NTM: variants seen among roughly 807,000 people sequenced by gnomAD.
NTM encodes the protein IgLON family member 2.
Under a neutral mutation model 42.1 loss-of-function variants are expected in NTM, and 13 were observed. The observed-to-expected ratio is 0.31, with a 90% confidence interval of 0.20 to 0.49. The LOEUF (loss-of-function observed/expected upper bound fraction) is 0.49. NTM is among the 20% of genes least tolerant of loss of function. NTM has a pLI of 0.99. For missense variants in NTM, 373 were observed against 452.8 expected, an observed-to-expected ratio of 0.82 and a Z score of 1.60; for synonymous variants, 187 against 179.2, an observed-to-expected ratio of 1.04 and a Z score of -0.35.
At chr11:131,471,548 G>A (rs1017653328) in intron 1 of NTM, among the ~76,000 whole-genome samples, 5 of 152,238 alleles carry the variant, frequency 3.3e-5, no homozygotes, top group African/African-American at 4.8e-5. Context: ...GAGAGGCAGG[G>A]TGGCCGTGAG....
chr11:131,897,829 GA>G (rs1303710054), intron 1 of NTM, among the ~76,000 whole-genome samples: 1 of 152,208 alleles, frequency 6.6e-6, no homozygotes, highest in African/African-American at 2.4e-5. Context: ...ATTATGAGGG[GA>G]GAGTTTTTAA....
At chr11:131,983,931 T>C (rs1270103892) in intron 2 of NTM, among the ~76,000 whole-genome samples, 2 of 152,194 alleles carry the variant, frequency 1.3e-5, no homozygotes, top group Admixed American at 6.5e-5. Flanking sequence ...ATAAGGGAGA[T>C]TGTTAAATGT....
At chr11:132,320,345 G>A (rs139785147) in intron 7 of NTM, among the ~76,000 whole-genome samples, 4,222 of 152,288 alleles carry the variant, frequency 0.028, 210 homozygotes, top group African/African-American at 0.096. Context: ...AAAGCAGGGC[G>A]AGGCATTGCC....
intron 1 of NTM, among the ~76,000 whole-genome samples, chr11:131,657,991 G>A (rs1263835046): frequency 6.6e-6 from 1 of 152,198 alleles, no homozygotes; most frequent in Non-Finnish European, 1.5e-5. Flanking sequence ...GACCTGAGGG[G>A]CCAGGTGGCA....
chr11:132,127,872 T>C (rs942684701), intron 2 of NTM, among the ~76,000 whole-genome samples: 2 of 152,212 alleles, frequency 1.3e-5, no homozygotes, highest in Non-Finnish European at 2.9e-5. Context: ...TCTAACGTTA[T>C]AGCCTGCAAG....
intron 2 of NTM, among the ~76,000 whole-genome samples, chr11:132,145,037 G>A (rs2070072294): frequency 6.6e-6 from 1 of 152,282 alleles, no homozygotes; most frequent in South Asian, 2.1e-4. Flanking sequence ...AATTTTTATG[G>A]TCACAAACCA....
chr11:131,738,271 C>T (rs1340155127), intron 1 of NTM, among the ~76,000 whole-genome samples: 4 of 152,190 alleles, frequency 2.6e-5, no homozygotes, highest in East Asian at 1.9e-4. Context: ...GGGTGAATGG[C>T]GGTGGCTCTG....
At chr11:132,104,394 AT>A (rs1280497707) in intron 2 of NTM, among the ~76,000 whole-genome samples, 6 of 150,100 alleles carry the variant, frequency 4.0e-5, no homozygotes, top group Non-Finnish European at 5.9e-5. Context: ...CTGTTCATGT[AT>A]TTTTTTCGTA....
intron 8 of NTM, among the ~76,000 whole-genome samples, chr11:132,334,324 T>TA (rs2095850044): frequency 2.0e-5 from 3 of 152,246 alleles, no homozygotes; most frequent in Admixed American, 6.5e-5. Context: ...CCCAGTGTCC[T>TA]CATTGATCTC....
At chr11:131,660,810 G>A in intron 1 of NTM, 2 of 1,174,012 alleles carry the variant, frequency 1.7e-6, no homozygotes, top group Non-Finnish European at 1.1e-6. Context: ...ATATAGAAAG[G>A]TAGGATGAAA....
chr11:131,682,713 C>T (rs538626256), intron 1 of NTM, among the ~76,000 whole-genome samples: 1 of 152,346 alleles, frequency 6.6e-6, no homozygotes, highest in South Asian at 2.1e-4. Flanking sequence ...CTCTCAGCGC[C>T]TCCACTGAAA....
At position 131,989,675 on chromosome 11, in the gene NTM, AC is replaced by A. The variant is rs577044242; in HGVS notation, c.167+78028del. On this transcript the variant is annotated intron_variant, in intron 2 of 8. Coordinates refer to ENST00000683400, the MANE Select transcript of NTM (RefSeq NM_001352005.2). ...AATGCTCCCAATATTTCAGTAGCTT[AC>A]AACAAAGGTGAGTTATATACACATG... Among the ~76,000 whole-genome samples, 1,230 of 152,000 alleles carry A rather than the reference AC, an allele frequency of 8.1e-3. 9 individuals are homozygous for A. Among genetic ancestry groups the A allele is most frequent in the Non-Finnish European group, 0.012 (833 of 67,942 alleles).
chr11:131,814,716 C>T (rs972587054), intron 1 of NTM, among the ~76,000 whole-genome samples: 10 of 152,170 alleles, frequency 6.6e-5, no homozygotes, highest in African/African-American at 2.4e-4. Flanking sequence ...GCGCGTCTTG[C>T]GTTTTGCCTC....
At chr11:131,505,931 A>C (rs2047432828) in intron 1 of NTM, among the ~76,000 whole-genome samples, 1 of 151,968 alleles carries the variant, frequency 6.6e-6, no homozygotes, top group South Asian at 2.1e-4. Context: ...TGATTTGCCC[A>C]GATGTAACAG....
chr11:131,563,431 A>G (rs1050946896), intron 1 of NTM, among the ~76,000 whole-genome samples: 1 of 152,154 alleles, frequency 6.6e-6, no homozygotes, highest in Non-Finnish European at 1.5e-5. Context: ...CTATTTTACC[A>G]TCATCCCTGG....
chr11:131,760,674 CG>C (rs954078903), intron 1 of NTM, among the ~76,000 whole-genome samples: 1 of 151,904 alleles, frequency 6.6e-6, no homozygotes, highest in Non-Finnish European at 1.5e-5. Context: ...GTGTGGGGGC[CG>C]GGGAGGGGCC....
chr11:131,492,440 C>A (rs1215470987), intron 1 of NTM, among the ~76,000 whole-genome samples: 1 of 152,122 alleles, frequency 6.6e-6, no homozygotes, highest in Non-Finnish European at 1.5e-5. Flanking sequence ...TAACACAGTA[C>A]CTTCCACAAC....
intron 1 of NTM, among the ~76,000 whole-genome samples, chr11:131,572,995 G>A (rs1215246993): frequency 2.0e-5 from 3 of 152,182 alleles, no homozygotes. Context: ...TAAGGGGCTG[G>A]AGAGGAGGCT....
chr11:132,073,130 G>C (rs907186162), intron 2 of NTM, among the ~76,000 whole-genome samples: 11 of 152,280 alleles, frequency 7.2e-5, no homozygotes, highest in African/African-American at 2.4e-4. Context: ...TCAGAAAACA[G>C]AATTTGGCAG....
Sources: gnomAD v4.1 joint callset for allele counts (sites outside exome capture counted in the v4.1 genomes callset) on GRCh38, gnomAD v4.1.1 for gene constraint, MANE v1.5 for transcripts, NCBI Gene and HGNC (gene_info 2026-07-23, HGNC 2026-07-21) for gene names.